The following PIK3R6 variants were observed in gnomAD, a reference collection of about 807,000 sequenced individuals.
PIK3R6 encodes the protein phosphoinositide 3-kinase regulatory subunit 6.
In PIK3R6, 91 loss-of-function variants were observed where a neutral mutation model predicts 84.9. The ratio of observed to expected loss-of-function variants is 1.07; its 90% CI spans 0.90 to 1.28. The LOEUF is 1.28. PIK3R6 is among the 50% of genes most tolerant of loss of function. The pLI is 0.00. For synonymous variants in PIK3R6, 416 were observed against 411.4 expected, an observed-to-expected ratio of 1.01 and a Z score of -0.13; for missense variants, 996 against 985.1, an observed-to-expected ratio of 1.01 and a Z score of -0.15.
chr17:8,839,557 T>C lies in PIK3R6; in HGVS notation c.97+57A>G, dbSNP rs2088604707. ...TCTTTCCTGTATGCGCGTGTATTGTTGGCTGGGGTTGGGTGGAGGTCAGAG... is the reference window on the plus strand; with the variant it reads ...TCTTTCCTGTATGCGCGTGTATTGTCGGCTGGGGTTGGGTGGAGGTCAGAG... On this transcript the variant is annotated intron_variant, in intron 3 of 19. Transcript: ENST00000619866. This position sits in a 1 kb window ranked among gnomAD's most constrained non-coding sequence, Gnocchi z 4.2. 2.1e-6 allele frequency: 3 copies of C among 1,410,852 alleles called. No homozygotes were observed. The highest frequency in any genetic ancestry group is 2.0e-5 in the Admixed American group (1 of 49,356). 87.4% of individuals were successfully genotyped at this position (1,410,852 alleles called of 1,614,324 possible).
intron 18 of PIK3R6, among the ~76,000 whole-genome samples, chr17:8,813,393 T>C (rs75218874): frequency 0.015 from 2,302 of 152,240 alleles, 68 homozygotes; most frequent in African/African-American, 0.052. Flanking sequence ...CCTCCCTAAT[T>C]CATTCTATGA....
At position 8,867,509 on chromosome 17, in the gene PIK3R6, C is replaced by T. The variant is rs2089439549; in HGVS notation, c.-92+20G>A. 1 of 428,220 alleles carries T rather than the reference C, an allele frequency of 2.3e-6. No individual in the cohort carries two copies. Among genetic ancestry groups the T allele is most frequent in the South Asian group, 1.7e-5 (1 of 57,848 alleles). 26.5% of individuals were successfully genotyped at this position (428,220 alleles called of 1,614,324 possible). A position where few individuals can be genotyped will look rare whatever the true frequency, so the allele number is the denominator to read the frequency against. The stretch of plus-strand genomic sequence containing the variant: ...CTCAGATCTGCCTGCCTGGCGATCT[C>T]CATCCAAGCCAGCACTTACCTTGGT... On this transcript the variant is annotated intron_variant, in intron 1 of 19. Transcript: ENST00000619866.
intron 5 of PIK3R6, 65 bp downstream of exon 5, chr17:8,837,738 G>C: frequency 9.4e-6 from 13 of 1,389,798 alleles, no homozygotes; most frequent in Non-Finnish European, 1.3e-5. Flanking sequence ...CCCACTAAGG[G>C]GAGAGTGTCC....
At chr17:8,831,361 G>A (rs2088235611) in intron 9 of PIK3R6, among the ~76,000 whole-genome samples, 1 of 140,336 alleles carries the variant, frequency 7.1e-6, no homozygotes. Flanking sequence ...AAAAGGCACA[G>A]GGCAAGTCTG....
chr17:8,832,848 G>C (rs956345851), intron 9 of PIK3R6, 41 bp downstream of exon 9: 10 of 1,610,934 alleles, frequency 6.2e-6, no homozygotes, highest in Admixed American at 1.7e-5. Context: ...AGCTGCCCCC[G>C]CGGGACTCTT....
intron 2 of PIK3R6, among the ~76,000 whole-genome samples, chr17:8,840,848 G>T (rs1316118798): frequency 6.6e-6 from 1 of 151,666 alleles, no homozygotes; most frequent in Admixed American, 6.6e-5. Flanking sequence ...CGCCTCCTGG[G>T]TTCACGCCAT....
At chr17:8,818,652 G>GA (rs561471870) in intron 18 of PIK3R6, among the ~76,000 whole-genome samples, 17 of 150,530 alleles carry the variant, frequency 1.1e-4, no homozygotes, top group South Asian at 1.1e-3. Flanking sequence ...CCGTCTTGAG[G>GA]AAAAAAAAAA....
chr17:8,829,246 C>G (rs576312817), intron 10 of PIK3R6, among the ~76,000 whole-genome samples: 2 of 151,258 alleles, frequency 1.3e-5, no homozygotes, highest in African/African-American at 4.9e-5. Flanking sequence ...GAAACACATG[C>G]ATGCACGCAT....
rs2087096351 is a variant in PIK3R6 at position 8,803,327 on chromosome 17, G to A, written c.2211C>T (p.Ala737=). The A allele has an allele frequency of 6.2e-7, 1 of 1,613,404 alleles. No homozygotes were observed. Among genetic ancestry groups the A allele is most frequent in the Non-Finnish European group, 8.5e-7 (1 of 1,179,864 alleles). The stretch of plus-strand genomic sequence containing the variant: ...TGGGCATCAGAAGGGGCTTGGGCTT[G>A]GCTTTGATTGCTTCCACCTCCTGTT... ...HGQQEVEAIK[A]KPKPLLMPIN... is the part of the protein sequence containing the mutation. Residue 737 remains alanine (A), a synonymous_variant, in exon 20 of 20, where the codon GCC becomes GCT. Transcript: ENST00000619866. This position sits in a 1 kb window ranked among gnomAD's most constrained non-coding sequence, Gnocchi z 5.0.
intron 4 of PIK3R6, 150 bp downstream of exon 4, chr17:8,838,414 C>T (rs1277953434): frequency 4.1e-5 from 25 of 615,882 alleles, no homozygotes; most frequent in Non-Finnish European, 5.1e-5. Flanking sequence ...ATACTGCTTA[C>T]GTAAAAGTAC....
chr17:8,802,952 G>A lies in PIK3R6; in HGVS notation c.*321C>T. The stretch of plus-strand genomic sequence containing the variant: ...TTAACCCTGGTTTTAAGGGCTGGAT[G>A]GGGAGCTTGGGTGGGAGAGGACAGT... On this transcript the variant is annotated 3_prime_UTR_variant, in exon 20 of 20. Transcript: ENST00000619866. The A allele has an allele frequency of 3.4e-6, 1 of 290,192 alleles. No homozygotes were observed. The highest frequency in any genetic ancestry group is 3.6e-5 in the South Asian group (1 of 27,454). The allele number at this position is 290,192 out of a possible 1,614,324, so 18.0% of individuals were successfully genotyped here. A position where few individuals can be genotyped will look rare whatever the true frequency, so the allele number is the denominator to read the frequency against.
intron 12 of PIK3R6, among the ~76,000 whole-genome samples, chr17:8,827,786 G>GAGAGAGAC: frequency 7.2e-6 from 1 of 139,172 alleles, no homozygotes; most frequent in African/African-American, 3.1e-5. Context: ...GAGAGAGAGA[G>GAGAGAGAC]AGAGAGAGAG....
In PIK3R6 at chr17:8,819,215, G is replaced by T. The variant is rs28729942; in HGVS notation, c.1880-17C>A. ...ACCCTGAAACTGAATGAGATGGGTG[G>T]GGCTGTAAATGGACCTCCAGGGAAG... On this transcript the variant is annotated splice_polypyrimidine_tract_variant and intron_variant, in intron 17 of 19. Coordinates refer to ENST00000619866, the MANE Select transcript of PIK3R6 (RefSeq NM_001010855.4). The T allele has an allele frequency of 6.4e-7, 1 of 1,564,808 alleles. No individual in the cohort carries two copies. Among genetic ancestry groups the T allele is most frequent in the Admixed American group, 1.8e-5 (1 of 56,792 alleles).
intron 1 of PIK3R6, among the ~76,000 whole-genome samples, chr17:8,858,938 T>G (rs369353281): frequency 6.6e-6 from 1 of 152,338 alleles, no homozygotes; most frequent in East Asian, 1.9e-4. Context: ...CTCTTTCTGA[T>G]TTGAACAAAG....
At chr17:8,860,391 C>T (rs904371313) in intron 1 of PIK3R6, among the ~76,000 whole-genome samples, 6 of 152,132 alleles carry the variant, frequency 3.9e-5, no homozygotes, top group African/African-American at 1.4e-4. Context: ...GAATCTAATA[C>T]CTGATGATCT....
At chr17:8,832,785 C>T in intron 9 of PIK3R6, 104 bp downstream of exon 9, 1 of 1,553,786 alleles carries the variant, frequency 6.4e-7, no homozygotes, top group Non-Finnish European at 8.7e-7. Flanking sequence ...CGGCCAGGCA[C>T]CCAGACAGAG....
Position 8,822,581 on chromosome 17 carries a change from A to G in PIK3R6, c.1788+6T>C, listed in dbSNP as rs2087775596. On this transcript the variant is annotated splice_donor_region_variant and intron_variant, in intron 16 of 19. Coordinates refer to ENST00000619866, the MANE Select transcript of PIK3R6 (RefSeq NM_001010855.4). Reference sequence around the variant, plus strand: ...CTACCTACTGACCACGTCCATGCACACTGACCTTCTGGTAGCATAGGGAGA... The same window carrying G: ...CTACCTACTGACCACGTCCATGCACGCTGACCTTCTGGTAGCATAGGGAGA... 6.2e-7 allele frequency: 1 copy of G among 1,613,938 alleles called. No homozygotes were observed. Among genetic ancestry groups the G allele is most frequent in the Non-Finnish European group, 8.5e-7 (1 of 1,179,844 alleles).
At chr17:8,848,112 G>A (rs889015956) in intron 2 of PIK3R6, among the ~76,000 whole-genome samples, 1 of 152,210 alleles carries the variant, frequency 6.6e-6, no homozygotes, top group African/African-American at 2.4e-5. Flanking sequence ...GACGCCTGGT[G>A]TGCTCTCCAA....
chr17:8,823,910 G>C (rs923632375), intron 13 of PIK3R6, among the ~76,000 whole-genome samples: 1 of 152,190 alleles, frequency 6.6e-6, no homozygotes, highest in African/African-American at 2.4e-5. Flanking sequence ...TCCTTCTACA[G>C]AAAATGAGAG....
Sources: gnomAD v4.1 joint callset for allele counts (sites outside exome capture counted in the v4.1 genomes callset) on GRCh38, gnomAD v4.1.1 for gene constraint, Gnocchi (gnomAD v3.1) non-coding constraint, MANE v1.5 for transcripts, NCBI Gene and HGNC (gene_info 2026-07-23, HGNC 2026-07-21) for gene names.